The following PMS1 variants were observed in gnomAD, a reference collection of about 807,000 sequenced individuals.
PMS1 encodes PMS1 protein homolog 1.
In PMS1, 79 loss-of-function variants were observed where a neutral mutation model predicts 93.1. The observed-to-expected ratio is 0.85, with a 90% CI of 0.71 to 1.02. The LOEUF (loss-of-function observed/expected upper bound fraction) is 1.02. PMS1 is among the 50% of genes least tolerant of loss of function. The pLI is 0.00. For synonymous variants in PMS1, 335 were observed against 363.4 expected (o/e 0.92, Z 0.89); for missense variants, 1,064 against 1,085.3 (o/e 0.98, Z 0.28).
chr2:189,790,886 T>G (rs2048804603), intron 1 of PMS1, among the ~76,000 whole-genome samples: 1 of 152,176 alleles, frequency 6.6e-6, no homozygotes, highest in South Asian at 2.1e-4. Context: ...GGATAATTCC[T>G]GTAGGAAAGT....
Position 189,791,960 on chromosome 2 carries a change from C to G in PMS1, c.132+19C>G. On this transcript the variant is annotated intron_variant, in intron 2 of 12. Transcript: ENST00000441310. ...TAAACTGGTGAGTGTCCTTGAGAAC[C>G]CAAATACCTTTAAGACAAAGAAAAG... 6.2e-7 allele frequency: 1 copy of G among 1,610,908 alleles called. No homozygotes were observed. The highest frequency in any genetic ancestry group is 8.5e-7 in the Non-Finnish European group (1 of 1,177,302).
rs534243480 is a variant in PMS1, at chr2:189,854,604, A to G, written c.1332A>G (p.Val444=). 2.3e-5 allele frequency: 37 copies of G among 1,613,788 alleles called. No individual in the cohort carries two copies. Among genetic ancestry groups the G allele is most frequent in the South Asian group, 2.2e-4 (20 of 91,080 alleles). The change falls in exon 9 of 13, where the codon GTA becomes GTG. Residue 444 remains valine, a synonymous_variant. Coordinates refer to ENST00000441310, the MANE Select transcript of PMS1 (RefSeq NM_000534.5). The part of the protein sequence containing the change: ...NAFQDISMSN[V]SWENSQTEYS... ...TTCAGGACATTTCAATGAGTAATGT[A>G]TCATGGGAGAACTCTCAGACGGAAT...
chr2:189,801,070 T>C (rs746051837), intron 3 of PMS1, among the ~76,000 whole-genome samples: 8 of 152,196 alleles, frequency 5.3e-5, no homozygotes, highest in Non-Finnish European at 1.2e-4. Flanking sequence ...ACTCTCTTGT[T>C]CAGGCTGGGC....
chr2:189,812,375 A>C (rs1469244441), intron 4 of PMS1, among the ~76,000 whole-genome samples: 1 of 152,212 alleles, frequency 6.6e-6, no homozygotes, highest in Non-Finnish European at 1.5e-5. Context: ...GAATGAGTAC[A>C]AAGTGAAGGC....
rs74815676 is a variant in PMS1 at position 189,803,734 on chromosome 2, T to A, written c.316-1918T>A. Among the ~76,000 whole-genome samples, 637 of 152,360 alleles carry A rather than the reference T, an allele frequency of 4.2e-3. 2 individuals are homozygous for A. The highest frequency in any genetic ancestry group is 0.014 in the African/African-American group (568 of 41,576). On this transcript the variant is annotated intron_variant, in intron 3 of 12. Coordinates refer to ENST00000441310, the MANE Select transcript of PMS1 (RefSeq NM_000534.5). Reference sequence around the variant, plus strand: ...CCTTTCCTTCCTCTGTGGAACACACTGTATTTCATAAATTTATGAAGTACA... The same window carrying A: ...CCTTTCCTTCCTCTGTGGAACACACAGTATTTCATAAATTTATGAAGTACA...
intron 11 of PMS1, among the ~76,000 whole-genome samples, chr2:189,868,591 T>C (rs2056872590): frequency 6.6e-6 from 1 of 152,202 alleles, no homozygotes. Context: ...GAGAGGTACA[T>C]TGGAACCATG....
At chr2:189,796,147 T>G (rs1353348605) in intron 3 of PMS1, among the ~76,000 whole-genome samples, 196 bp downstream of exon 3, 4 of 152,172 alleles carry the variant, frequency 2.6e-5, no homozygotes, top group Admixed American at 2.6e-4. Context: ...TCACCTGAGG[T>G]CAGGAGTTCG....
intron 12 of PMS1, 94 bp downstream of exon 12, chr2:189,873,750 C>T (rs1009967365): frequency 1.9e-5 from 16 of 849,798 alleles, no homozygotes; most frequent in East Asian, 1.0e-4. Context: ...AGGAGGTGAG[C>T]GGCCTCCTAG....
chr2:189,806,459 A>G, intron 4 of PMS1: 1 of 307,340 alleles, frequency 3.3e-6, no homozygotes, highest in Non-Finnish European at 6.4e-6. Context: ...CTGCAGTGGC[A>G]TCATCTTGGT....
chr2:189,866,289 A>G (rs967754873), intron 10 of PMS1, among the ~76,000 whole-genome samples: 3 of 152,172 alleles, frequency 2.0e-5, no homozygotes, highest in East Asian at 1.9e-4. Flanking sequence ...ATATTTTTCT[A>G]TGTGATGTTC....
At chr2:189,840,055 A>C (rs924186436) in intron 5 of PMS1, among the ~76,000 whole-genome samples, 1 of 152,314 alleles carries the variant, frequency 6.6e-6, no homozygotes, top group Admixed American at 6.5e-5. Context: ...CATTGAACCT[A>C]TACCTTATAT....
chr2:189,795,216 G>A (rs1372557991), intron 2 of PMS1, among the ~76,000 whole-genome samples: 3 of 152,096 alleles, frequency 2.0e-5, no homozygotes, highest in Admixed American at 1.3e-4. Context: ...TTATAATGTA[G>A]TAAACATAGA....
intron 4 of PMS1, among the ~76,000 whole-genome samples, chr2:189,814,932 CCA>C (rs1456956151): frequency 6.6e-6 from 1 of 151,668 alleles, no homozygotes; most frequent in Non-Finnish European, 1.5e-5. Context: ...CCCGTCTCTA[CCA>C]AAAAAATACA....
intron 4 of PMS1, among the ~76,000 whole-genome samples, chr2:189,813,601 CT>C (rs2051027593): frequency 6.6e-6 from 1 of 152,180 alleles, no homozygotes. Flanking sequence ...GAATAAACAA[CT>C]TCATATTTTA....
chr2:189,843,962 A>C lies in PMS1; in HGVS notation c.583-2A>C. On this transcript the variant is annotated splice_acceptor_variant, in intron 5 of 12. Coordinates refer to ENST00000441310, the MANE Select transcript of PMS1 (RefSeq NM_000534.5). LOFTEE classifies it high-confidence loss of function. ...AGTTATCTATATCATTTTTGTCCCTAGGCAGTTATTTGGCAGAAAAGCAGA... is the reference window on the plus strand; with the variant it reads ...AGTTATCTATATCATTTTTGTCCCTCGGCAGTTATTTGGCAGAAAAGCAGA... The C allele has an allele frequency of 1.2e-6, 2 of 1,611,610 alleles. No homozygotes were observed. Among genetic ancestry groups the C allele is most frequent in the East Asian group, 4.5e-5 (2 of 44,848 alleles).
chr2:189,854,218 T>G, intron 8 of PMS1, 21 bp from the exon 9 acceptor site: 1 of 1,551,800 alleles, frequency 6.4e-7, no homozygotes, highest in Non-Finnish European at 8.8e-7. Flanking sequence ...TCCCCTAACA[T>G]TTGTTAATTT....
chr2:189,805,955 CTG>C, intron 4 of PMS1: 1 of 1,487,242 alleles, frequency 6.7e-7, no homozygotes, highest in East Asian at 2.5e-5. Context: ...TCAAAAGGAA[CTG>C]TATGAGAGAC....
intron 5 of PMS1, among the ~76,000 whole-genome samples, chr2:189,843,586 C>T (rs2053994801): frequency 1.3e-5 from 2 of 152,104 alleles, no homozygotes; most frequent in African/African-American, 2.4e-5. Flanking sequence ...TAAATATACA[C>T]GGAAGTCTAT....
chr2:189,841,033 T>G (rs751863361), intron 5 of PMS1, among the ~76,000 whole-genome samples: 1 of 152,204 alleles, frequency 6.6e-6, no homozygotes, highest in Non-Finnish European at 1.5e-5. Context: ...AATTAGAGTC[T>G]GGAGTTGGTT....
Sources: allele counts gnomAD v4.1 joint callset (sites outside exome capture counted in the v4.1 genomes callset), GRCh38; gene constraint gnomAD v4.1.1; transcripts MANE v1.5; gene names NCBI Gene and HGNC (gene_info 2026-07-23, HGNC 2026-07-21).